The following VPS13B variants were observed in gnomAD, a reference collection of about 807,000 sequenced individuals.
VPS13B encodes intermembrane lipid transfer protein VPS13B.
A neutral mutation model predicts 426.4 loss-of-function variants in VPS13B; 285 were observed. The ratio of observed to expected loss-of-function variants is 0.67; its 90% CI spans 0.61 to 0.74. The LOEUF is 0.74. Ranked by LOEUF, VPS13B falls within the 30% of genes least tolerant of loss-of-function variation. The pLI is 0.00. For missense variants in VPS13B, 4,537 were observed against 4,782.6 expected, an observed-to-expected ratio of 0.95 and a Z score of 1.51; for synonymous variants, 1,676 against 1,676.4, an observed-to-expected ratio of 1.00 and a Z score of 0.01.
chr8:99,650,708 G>T (rs1382145436), intron 34 of VPS13B, among the ~76,000 whole-genome samples: 1 of 152,092 alleles, frequency 6.6e-6, no homozygotes, highest in East Asian at 1.9e-4. Flanking sequence ...TGTGAATGTG[G>T]TCTCTCTTTC....
At chr8:99,085,364 G>A (rs1193297286) in intron 3 of VPS13B, among the ~76,000 whole-genome samples, 1 of 152,076 alleles carries the variant, frequency 6.6e-6, no homozygotes, top group Non-Finnish European at 1.5e-5. Context: ...CATGAGATGG[G>A]TTTCCTGAAT....
chr8:99,090,811 A>T (rs890631541), intron 3 of VPS13B, among the ~76,000 whole-genome samples: 1 of 152,120 alleles, frequency 6.6e-6, no homozygotes, highest in Non-Finnish European at 1.5e-5. Flanking sequence ...ATTTGGTAAA[A>T]ATTAGATGGT....
intron 33 of VPS13B, among the ~76,000 whole-genome samples, chr8:99,622,252 A>G (rs770365921): frequency 4.7e-4 from 72 of 152,198 alleles, no homozygotes; most frequent in Non-Finnish European, 9.0e-4. Context: ...TAAAGTAGGT[A>G]TTTTCTCCAG....
At chr8:99,512,269 A>G (rs1821831060) in intron 29 of VPS13B, among the ~76,000 whole-genome samples, 1 of 152,242 alleles carries the variant, frequency 6.6e-6, no homozygotes, top group African/African-American at 2.4e-5. Flanking sequence ...CTGTTCAGAT[A>G]GTTTGTAGAA....
chr8:99,767,493 CAAAAAAAAA>C (rs869220303), intron 40 of VPS13B, among the ~76,000 whole-genome samples: 3 of 33,318 alleles, frequency 9.0e-5, no homozygotes, highest in African/African-American at 3.3e-4. Context: ...GCAACTCTCT[CAAAAAAAAA>C]AAAAAAAAAA....
At chr8:99,590,713 A>G (rs1698856208) in intron 33 of VPS13B, among the ~76,000 whole-genome samples, 2 of 151,986 alleles carry the variant, frequency 1.3e-5, no homozygotes, top group South Asian at 4.2e-4. Flanking sequence ...GTTTGTTGTG[A>G]TTTCTGTTCT....
intron 39 of VPS13B, among the ~76,000 whole-genome samples, chr8:99,763,024 G>C (rs943316124): frequency 1.3e-5 from 2 of 150,388 alleles, no homozygotes; most frequent in Non-Finnish European, 3.0e-5. Context: ...TGTGGTCCCA[G>C]CTACTTGGGG....
chr8:99,656,657 A>G (rs958743495), intron 34 of VPS13B, among the ~76,000 whole-genome samples: 1 of 152,166 alleles, frequency 6.6e-6, no homozygotes, highest in African/African-American at 2.4e-5. Flanking sequence ...ATTAGAGCAT[A>G]AGGGACTAAA....
At chr8:99,139,732 C>T (rs1042698717) in intron 12 of VPS13B, among the ~76,000 whole-genome samples, 3 of 151,910 alleles carry the variant, frequency 2.0e-5, no homozygotes, top group Non-Finnish European at 4.4e-5. Context: ...CCACTGCGCC[C>T]GGCCCTCTGT....
intron 39 of VPS13B, among the ~76,000 whole-genome samples, chr8:99,760,719 T>C (rs984107526): frequency 4.6e-5 from 7 of 152,222 alleles, no homozygotes; most frequent in African/African-American, 1.7e-4. Context: ...GCCTTTTGTA[T>C]CCATCAGTTC....
At chr8:99,164,010 G>A (rs1588103959) in intron 15 of VPS13B, among the ~76,000 whole-genome samples, 1 of 152,180 alleles carries the variant, frequency 6.6e-6, no homozygotes, top group African/African-American at 2.4e-5. Context: ...GAATTTGGCC[G>A]TTGACTGCTC....
At chr8:99,316,226 T>C (rs1387558608) in intron 19 of VPS13B, among the ~76,000 whole-genome samples, 1 of 152,162 alleles carries the variant, frequency 6.6e-6, no homozygotes, top group Non-Finnish European at 1.5e-5. Context: ...GTTGCTTTGC[T>C]ACTTGGAGTG....
intron 17 of VPS13B, among the ~76,000 whole-genome samples, chr8:99,220,275 G>T (rs959937471): frequency 1.3e-5 from 2 of 152,074 alleles, no homozygotes; most frequent in African/African-American, 4.8e-5. Flanking sequence ...TTTTGTTTAG[G>T]CTAGTTTAAA....
intron 19 of VPS13B, chr8:99,341,814 C>T (rs1233159085): frequency 1.9e-5 from 5 of 264,652 alleles, no homozygotes; most frequent in Non-Finnish European, 3.1e-5. Context: ...CTGGGCTGCA[C>T]AGGAGGAAAG....
chr8:99,592,993 C>T (rs546884349), intron 33 of VPS13B, among the ~76,000 whole-genome samples: 5 of 152,236 alleles, frequency 3.3e-5, no homozygotes, highest in Admixed American at 1.3e-4. Context: ...CCATTCAGGA[C>T]ATAGGCATGG....
At chr8:99,224,776 T>C (rs886179990) in intron 17 of VPS13B, among the ~76,000 whole-genome samples, 5 of 152,238 alleles carry the variant, frequency 3.3e-5, no homozygotes, top group African/African-American at 1.2e-4. Flanking sequence ...TTTTATGTTA[T>C]GCTCTTCTTT....
intron 19 of VPS13B, among the ~76,000 whole-genome samples, chr8:99,322,575 C>T (rs899619036): frequency 3.3e-5 from 5 of 152,204 alleles, no homozygotes; most frequent in African/African-American, 7.2e-5. Flanking sequence ...AGATTGACAG[C>T]GTGACTGCTC....
intron 39 of VPS13B, among the ~76,000 whole-genome samples, chr8:99,750,296 C>G (rs1810327808): frequency 6.6e-6 from 1 of 152,090 alleles, no homozygotes; most frequent in Non-Finnish European, 1.5e-5. Flanking sequence ...TCCAGAAAGC[C>G]TTCCCCTGAT....
rs796100640 is a variant in VPS13B, at chr8:99,207,157, C to A, written c.2515+14100C>A. Among the ~76,000 whole-genome samples the A allele has an allele frequency of 5.0e-4, 76 of 152,124 alleles. 1 individual carries two copies. Among genetic ancestry groups the A allele is most frequent in the Middle Eastern group, 3.4e-3 (1 of 294 alleles). The stretch of plus-strand genomic sequence containing the variant: ...AGCTTATGTCCAGGTATTGAGAGCT[C>A]ATTTATAGAATATGTGGTCATTATT... On this transcript the variant is annotated intron_variant, in intron 17 of 61. Coordinates refer to ENST00000357162, the MANE Select transcript of VPS13B (RefSeq NM_152564.5).
Sources: gnomAD v4.1 joint callset for allele counts (sites outside exome capture counted in the v4.1 genomes callset) on GRCh38, gnomAD v4.1.1 for gene constraint, MANE v1.5 for transcripts, NCBI Gene and HGNC (gene_info 2026-07-23, HGNC 2026-07-21) for gene names.